The following TSPAN7 variants were observed in gnomAD, a reference collection of about 807,000 sequenced individuals.
TSPAN7 encodes tetraspanin-7.
A neutral mutation model predicts 17.6 loss-of-function variants in TSPAN7; 1 was observed. The ratio of observed to expected loss-of-function variants is 0.06; its 90% confidence interval spans 0.02 to 0.27. The LOEUF is 0.27. Among genes scored for constraint, TSPAN7 ranks in the 10% least tolerant of loss-of-function variants. The pLI is 1.00. For synonymous variants in TSPAN7, 78 were observed against 79.0 expected, an observed-to-expected ratio of 0.99 and a Z score of 0.07; for missense variants, 112 against 201.7, an observed-to-expected ratio of 0.56 and a Z score of 2.69.
intron 1 of TSPAN7, among the ~76,000 whole-genome samples, chrX:38,624,856 T>C (rs1377792841): frequency 8.9e-6 from 1 of 112,547 alleles, no homozygotes; most frequent in Non-Finnish European, 1.9e-5. Context: ...TGGTTTGGGG[T>C]GTGTCCCAGG....
chrX:38,605,645 A>G (rs1178230336), intron 1 of TSPAN7, among the ~76,000 whole-genome samples: 3 of 108,262 alleles, frequency 2.8e-5, no homozygotes, highest in African/African-American at 6.8e-5. Context: ...GCATCACACT[A>G]CCTGACTTCA....
intron 1 of TSPAN7, among the ~76,000 whole-genome samples, chrX:38,634,058 G>A (rs971913029): frequency 1.8e-5 from 2 of 111,798 alleles, no homozygotes; most frequent in African/African-American, 6.5e-5. Context: ...CATGGTGGCT[G>A]GTGCTTGAAA....
intron 1 of TSPAN7, chrX:38,646,405 T>A: frequency 2.4e-6 from 2 of 842,282 alleles, no homozygotes; most frequent in Non-Finnish European, 3.3e-6. Flanking sequence ...TTACTCTCCC[T>A]GAAGTGGCAG....
intron 1 of TSPAN7, among the ~76,000 whole-genome samples, chrX:38,648,371 T>C (rs2069656548): frequency 8.9e-6 from 1 of 112,316 alleles, no homozygotes; most frequent in South Asian, 3.7e-4. Flanking sequence ...ACTACATGTG[T>C]CCCCTCCTAT....
chrX:38,669,466 T>G (rs988440897), intron 2 of TSPAN7, among the ~76,000 whole-genome samples: 8 of 111,856 alleles, frequency 7.2e-5, no homozygotes, highest in Non-Finnish European at 1.1e-4. Context: ...GCTAGGACTA[T>G]TTCAACTCCA....
intron 1 of TSPAN7, among the ~76,000 whole-genome samples, chrX:38,620,198 T>G (rs1469126021): frequency 8.9e-6 from 1 of 111,869 alleles, no homozygotes; most frequent in Non-Finnish European, 1.9e-5. Flanking sequence ...TCCTTGCCTT[T>G]CAGTTGCAAC....
chrX:38,588,838 A>G (rs997405661), intron 1 of TSPAN7, among the ~76,000 whole-genome samples: 2 of 111,674 alleles, frequency 1.8e-5, no homozygotes, highest in Non-Finnish European at 1.9e-5. Flanking sequence ...CTGAAGTGCT[A>G]TTTTGAAATG....
At position 38,681,265 on chromosome X, in the gene TSPAN7, C is replaced by T. The variant is rs552248151; in HGVS notation, c.659C>T (p.Ala220Val). 2.5e-6 allele frequency: 3 copies of T among 1,208,286 alleles called. No homozygotes were observed. The highest frequency in any genetic ancestry group is 3.4e-6 in the Non-Finnish European group (3 of 892,878). The change falls in exon 6 of 8, where the codon GCG (alanine) becomes GTG (valine). Residue 220 changes from alanine to valine, a missense_variant. Ala to Val is a moderately conservative substitution (Grantham distance 64). Coordinates refer to ENST00000378482, the MANE Select transcript of TSPAN7 (RefSeq NM_004615.4). ...ETNMGIIAGV[A>V]FGIAFSQLIG... ...AACATGGGAATCATCGCTGGAGTGG[C>T]GTTTGGAATCGCATTCTCCCAGGTA...
chrX:38,597,463 A>C (rs907271481), intron 1 of TSPAN7, among the ~76,000 whole-genome samples: 3 of 111,537 alleles, frequency 2.7e-5, no homozygotes, highest in African/African-American at 9.8e-5. Context: ...TGTGCCTTAC[A>C]GAGAAAATTT....
intron 1 of TSPAN7, among the ~76,000 whole-genome samples, chrX:38,617,940 G>A (rs759182929): frequency 8.9e-6 from 1 of 111,830 alleles, no homozygotes; most frequent in African/African-American, 3.2e-5. Flanking sequence ...TCGGAGAGAA[G>A]GACAAAATGA....
intron 2 of TSPAN7, among the ~76,000 whole-genome samples, chrX:38,667,765 C>A (rs1378883024): frequency 1.8e-5 from 2 of 112,066 alleles, no homozygotes; most frequent in African/African-American, 6.5e-5. Context: ...ATTCTAACAC[C>A]CTGAGTCTAC....
chrX:38,600,392 C>CT (rs1199656712), intron 1 of TSPAN7, among the ~76,000 whole-genome samples: 1 of 111,447 alleles, frequency 9.0e-6, no homozygotes, highest in East Asian at 2.8e-4. Flanking sequence ...CCCCTACATT[C>CT]TTTTTTTGTA....
chrX:38,643,888 T>C (rs1305639691), intron 1 of TSPAN7, among the ~76,000 whole-genome samples: 4 of 110,038 alleles, frequency 3.6e-5, no homozygotes, highest in Non-Finnish European at 7.6e-5. Flanking sequence ...AATAAACCAG[T>C]TTTTGCTTTG....
Position 38,581,500 on chromosome X carries a change from C to A in TSPAN7, c.81+19873C>A, listed in dbSNP as rs370895174. On this transcript the variant is annotated intron_variant, in intron 1 of 7. Transcript: ENST00000378482. ...CAAGAACAGCACGGGAAAGACCCCC[C>A]CCTCATGATTCAATTACCTCCCACT... 3.6e-3 allele frequency among the ~76,000 whole-genome samples: 398 copies of A among 111,305 alleles called. 2 individuals are homozygous for A. Among genetic ancestry groups the A allele is most frequent in the African/African-American group, 0.012 (378 of 30,598 alleles).
chrX:38,686,715 C>T (rs1462436414), intron 6 of TSPAN7, among the ~76,000 whole-genome samples: 3 of 112,082 alleles, frequency 2.7e-5, no homozygotes, highest in Non-Finnish European at 5.6e-5. Context: ...AATGCTGATC[C>T]TCCAGATTCA....
intron 1 of TSPAN7, among the ~76,000 whole-genome samples, chrX:38,653,642 A>G (rs1426086956): frequency 2.7e-5 from 3 of 112,724 alleles, no homozygotes; most frequent in East Asian, 2.8e-4. Context: ...TCACGTCGAC[A>G]TACACATGAA....
At chrX:38,634,330 C>A (rs1195487276) in intron 1 of TSPAN7, among the ~76,000 whole-genome samples, 1 of 112,254 alleles carries the variant, frequency 8.9e-6, no homozygotes, top group African/African-American at 3.2e-5. Context: ...AAAAGGTAAA[C>A]ACCATCAAGT....
At chrX:38,657,007 T>C (rs1043032324) in intron 1 of TSPAN7, among the ~76,000 whole-genome samples, 12 of 112,372 alleles carry the variant, frequency 1.1e-4, no homozygotes, top group Non-Finnish European at 2.3e-4. Context: ...CTTTTCTTTT[T>C]GCTTCTGGGC....
intron 1 of TSPAN7, among the ~76,000 whole-genome samples, chrX:38,659,978 C>T (rs1394782526): frequency 9.2e-6 from 1 of 108,453 alleles, no homozygotes; most frequent in Admixed American, 9.9e-5. Context: ...AGGCACGCAC[C>T]ACCACAGCCG....
Sources: allele counts gnomAD v4.1 joint callset (sites outside exome capture counted in the v4.1 genomes callset), GRCh38; gene constraint gnomAD v4.1.1; transcripts MANE v1.5; gene names NCBI Gene and HGNC (gene_info 2026-07-23, HGNC 2026-07-21).